Variants in RNF216 observed in about 807,000 individuals in gnomAD.
The protein encoded by RNF216 is E3 ubiquitin-protein ligase RNF216.
RNF216 carries 72 observed loss-of-function variants against 110.8 expected under a neutral mutation model. The observed-to-expected ratio is 0.65, with a 90% CI of 0.54 to 0.79. The LOEUF (loss-of-function observed/expected upper bound fraction) is 0.79, where lower values mean the gene tolerates loss of function less well. RNF216 is among the 30% of genes least tolerant of loss of function. The pLI, the probability that RNF216 is intolerant of heterozygous loss-of-function variation, is 0.00. For synonymous variants in RNF216, 495 were observed against 407.5 expected (o/e 1.21, Z -2.59); for missense variants, 1,342 against 1,141.2 (o/e 1.18, Z -2.54).
chr7:5,738,373 G>C (rs1794556989), intron 5 of RNF216, among the ~76,000 whole-genome samples: 1 of 151,996 alleles, frequency 6.6e-6, no homozygotes, highest in African/African-American at 2.4e-5. Context: ...TTAAAGGTGT[G>C]AACCATATGT....
chr7:5,780,497 G>C (rs1248481713), intron 1 of RNF216, among the ~76,000 whole-genome samples: 1 of 152,270 alleles, frequency 6.6e-6, no homozygotes, highest in East Asian at 1.9e-4. Flanking sequence ...AGACGTTAGA[G>C]ACCAGCCTGG....
intron 10 of RNF216, among the ~76,000 whole-genome samples, chr7:5,716,375 T>A (rs572717003): frequency 3.9e-5 from 6 of 152,250 alleles, no homozygotes; most frequent in Admixed American, 2.0e-4. Context: ...CTGGGCATTT[T>A]TTTTACATAC....
rs1796055796 is a variant in RNF216 at position 5,763,799 on chromosome 7, C to T, written c.-69-2661G>A. Among the ~76,000 whole-genome samples the T allele has an allele frequency of 2.0e-5, 3 of 152,112 alleles. No homozygotes were observed. In the South Asian group the frequency reaches 6.2e-4, roughly 32 times the overall value. On this transcript the variant is annotated intron_variant, in intron 1 of 16. Transcript: ENST00000389902. ...TGCTGCCCAGGCTGGTTTGGATATC[C>T]CGGTCTCAAGCATTCCTTCTGCCTT...
intron 9 of RNF216, among the ~76,000 whole-genome samples, chr7:5,717,032 G>A (rs1360912017): frequency 3.3e-5 from 5 of 152,140 alleles, no homozygotes; most frequent in Non-Finnish European, 7.4e-5. Flanking sequence ...GCAAAGAATA[G>A]CATCAACAAA....
At chr7:5,754,156 GT>G (rs1795489328) in intron 2 of RNF216, among the ~76,000 whole-genome samples, 2 of 146,898 alleles carry the variant, frequency 1.4e-5, no homozygotes, top group Admixed American at 1.4e-4. Flanking sequence ...GTGTGTGTGT[GT>G]GTGTGCGCAT....
intron 13 of RNF216, among the ~76,000 whole-genome samples, chr7:5,678,514 C>T (rs1790448158): frequency 6.6e-6 from 1 of 152,170 alleles, no homozygotes; most frequent in South Asian, 2.1e-4. Context: ...TGGCTCTGGG[C>T]CCGCCTGAGT....
chr7:5,739,167 TAAC>T (rs1323384045), intron 5 of RNF216, 106 bp downstream of exon 5: 15 of 1,293,768 alleles, frequency 1.2e-5, no homozygotes, highest in Non-Finnish European at 1.4e-5. Context: ...TGAATTTACT[TAAC>T]AACACCAAAT....
chr7:5,668,733 G>C (rs1432414312), intron 13 of RNF216, among the ~76,000 whole-genome samples: 1 of 152,214 alleles, frequency 6.6e-6, no homozygotes, highest in East Asian at 1.9e-4. Context: ...CAGTCCCGAG[G>C]AAGAACGCTG....
At chr7:5,749,227 T>C (rs1204939386) in intron 3 of RNF216, among the ~76,000 whole-genome samples, 1 of 151,208 alleles carries the variant, frequency 6.6e-6, no homozygotes, top group Non-Finnish European at 1.5e-5. Context: ...CTTGGCTCAC[T>C]GCAACCTCCA....
intron 15 of RNF216, among the ~76,000 whole-genome samples, chr7:5,640,077 T>A (rs187105035): frequency 0.019 from 2,810 of 150,890 alleles, 39 homozygotes; most frequent in Non-Finnish European, 0.029. Flanking sequence ...TTTTTTTTTT[T>A]AATGAGATGG....
intron 13 of RNF216, among the ~76,000 whole-genome samples, chr7:5,702,181 G>A (rs1015303411): frequency 3.3e-5 from 5 of 152,076 alleles, no homozygotes; most frequent in African/African-American, 9.7e-5. Context: ...TGCGAGTTTC[G>A]AGGGGAGAAA....
chr7:5,751,051 C>T (rs181442005), intron 3 of RNF216, among the ~76,000 whole-genome samples: 5 of 152,338 alleles, frequency 3.3e-5, no homozygotes, highest in African/African-American at 1.2e-4. Context: ...GAGCAGCCTC[C>T]ACCCAAACTC....
chr7:5,722,124 C>T (rs1229839752), intron 8 of RNF216, among the ~76,000 whole-genome samples: 1 of 152,122 alleles, frequency 6.6e-6, no homozygotes, highest in Non-Finnish European at 1.5e-5. Flanking sequence ...GGGATTTTGC[C>T]ATGTTGTCCA....
At chr7:5,732,899 G>A (rs1335134224) in intron 5 of RNF216, 1 of 152,216 alleles carries the variant, frequency 6.6e-6, no homozygotes, top group Non-Finnish European at 1.5e-5. Flanking sequence ...GATAGTTGTT[G>A]CTGCCTTCAT....
rs946218390 is a variant in RNF216 at position 5,692,675 on chromosome 7, C to A, written c.2061+19086G>T. Reference sequence around the variant, plus strand: ...GCCTCCAGCCCGAGGCAAGGCACTCCTTTTTAGGTGGTAAAATAAGCCTTC... The same window carrying A: ...GCCTCCAGCCCGAGGCAAGGCACTCATTTTTAGGTGGTAAAATAAGCCTTC... On this transcript the variant is annotated intron_variant, in intron 13 of 16. Coordinates refer to ENST00000389902, the MANE Select transcript of RNF216 (RefSeq NM_207111.4). Among the ~76,000 whole-genome samples the A allele has an allele frequency of 2.6e-5, 4 of 152,350 alleles. No homozygotes were observed. The East Asian group carries it at 7.7e-4, about 29-fold the overall frequency.
rs573582793 is a variant in RNF216, at chr7:5,680,799, A to G, written c.2062-28289T>C. Among the ~76,000 whole-genome samples the G allele has an allele frequency of 2.6e-5, 4 of 152,238 alleles. No individual in the cohort carries two copies. Among genetic ancestry groups the G allele is most frequent in the African/African-American group, 9.6e-5 (4 of 41,552 alleles). On this transcript the variant is annotated intron_variant, in intron 13 of 16. Transcript: ENST00000389902. This position sits in a 1 kb window ranked among gnomAD's most constrained non-coding sequence, Gnocchi z 4.3. ...GGGCTCCCCTGTATCCCTGAAGGACACAGCCACCCACTGGCTGCTCATGCA... is the reference window on the plus strand; with the variant it reads ...GGGCTCCCCTGTATCCCTGAAGGACGCAGCCACCCACTGGCTGCTCATGCA...
At position 5,715,100 on chromosome 7, in the gene RNF216, C is replaced by G; in HGVS notation, c.1786G>C (p.Glu596Gln). The change falls in exon 11 of 17, where the codon GAG becomes CAG. Residue 596 changes from glutamate to glutamine, a missense_variant. Physicochemically the swap from Glu to Gln is conservative, Grantham distance 29. Coordinates refer to ENST00000389902, the MANE Select transcript of RNF216 (RefSeq NM_207111.4). ...QCADAHLFCK[E>Q]CLIRYAQEAV... ...TCTTGGGCATATCTGATGAGACACT[C>G]TTTGCAGAACAAGTGAGCATCTGCG... 6.2e-7 allele frequency: 1 copy of G among 1,614,002 alleles called. No individual in the cohort carries two copies. Among genetic ancestry groups the G allele is most frequent in the Non-Finnish European group, 8.5e-7 (1 of 1,179,998 alleles).
chr7:5,698,433 A>C (rs1791767293), intron 13 of RNF216, among the ~76,000 whole-genome samples: 1 of 151,840 alleles, frequency 6.6e-6, no homozygotes, highest in Non-Finnish European at 1.5e-5. Context: ...ACACGCATGC[A>C]TGCTGGAGTA....
intron 5 of RNF216, among the ~76,000 whole-genome samples, chr7:5,739,002 G>T (rs1794598051): frequency 1.3e-5 from 2 of 152,180 alleles, no homozygotes; most frequent in Non-Finnish European, 2.9e-5. Flanking sequence ...TGAGGTCCCT[G>T]ATAGTAGCCA....
Sources: allele counts gnomAD v4.1 joint callset (sites outside exome capture counted in the v4.1 genomes callset), GRCh38; gene constraint gnomAD v4.1.1; non-coding constraint Gnocchi (gnomAD v3.1); transcripts MANE v1.5; gene names NCBI Gene and HGNC (gene_info 2026-07-23, HGNC 2026-07-21).